The following NPIPB6 variants were observed in gnomAD, a reference collection of about 807,000 sequenced individuals.
NPIPB6 encodes nuclear pore complex-interacting protein family member B6.
In NPIPB6, 2 loss-of-function variants were observed where a neutral mutation model predicts 20.0. The ratio of observed to expected loss-of-function variants is 0.10; its 90% confidence interval spans 0.04 to 0.31. The LOEUF is 0.31. Ranked by LOEUF, NPIPB6 falls within the 10% of genes least tolerant of loss-of-function variation. The probability of loss-of-function intolerance (pLI) is 1.00; values close to 1 mark genes in which losing one functional copy is unlikely to be tolerated. For missense variants in NPIPB6, 96 were observed against 293.7 expected (o/e 0.33, Z 4.92); for synonymous variants, 35 against 116.3 (o/e 0.30, Z 4.50).
intron 1 of NPIPB6, among the ~76,000 whole-genome samples, chr16:28,360,598 T>G (rs1331649287): frequency 7.2e-6 from 1 of 139,634 alleles, no homozygotes; most frequent in Non-Finnish European, 1.7e-5. Context: ...CAGTCTCCCA[T>G]GCAGGCTGAC....
At chr16:28,350,530 A>G in intron 2 of NPIPB6, among the ~76,000 whole-genome samples, 1 of 107,120 alleles carries the variant, frequency 9.3e-6, no homozygotes, top group Non-Finnish European at 2.0e-5. Context: ...CAAGATTTCC[A>G]TATTATCACA....
At chr16:28,361,831 C>T (rs1294038750) in intron 1 of NPIPB6, among the ~76,000 whole-genome samples, 5 of 147,338 alleles carry the variant, frequency 3.4e-5, no homozygotes, top group African/African-American at 7.5e-5. Flanking sequence ...TTGAGATTAT[C>T]ATTTTAAAAG....
intron 1 of NPIPB6, among the ~76,000 whole-genome samples, chr16:28,361,730 ATGTGTGTGTGTGTG>A (rs750956017): frequency 2.0e-5 from 2 of 100,832 alleles, no homozygotes; most frequent in African/African-American, 7.8e-5. Flanking sequence ...CTCTCTCTAT[ATGTGTGTGTGTGTG>A]TGTGTGTGTG....
chr16:28,361,870 TTTAA>T (rs2045447256), intron 1 of NPIPB6, among the ~76,000 whole-genome samples: 1 of 150,686 alleles, frequency 6.6e-6, no homozygotes, highest in African/African-American at 2.4e-5. Flanking sequence ...TAATGACTAA[TTTAA>T]TTATTACTAT....
rs1329640808 is a variant in NPIPB6, at chr16:28,355,870, C to T, written c.121-2809G>A. On this transcript the variant is annotated intron_variant, in intron 1 of 6. Coordinates refer to ENST00000532254, the Ensembl canonical transcript of NPIPB6. Reference sequence around the variant, plus strand: ...TACACTTAAGGGTATATATTTTGGCCAGGCGCGGTGGCTCACGCCTGTAAT... The same window carrying T: ...TACACTTAAGGGTATATATTTTGGCTAGGCGCGGTGGCTCACGCCTGTAAT... 3.0e-4 allele frequency among the ~76,000 whole-genome samples: 36 copies of T among 120,572 alleles called. 7 individuals carry two copies. Among genetic ancestry groups the T allele is most frequent in the African/African-American group, 1.0e-3 (36 of 34,784 alleles). 79.1% of individuals were successfully genotyped at this position (120,572 alleles called of 152,430 possible).
chr16:28,343,118 G>C (rs2045033965), exon 7 of NPIPB6: 1 of 1,452,832 alleles, frequency 6.9e-7, no homozygotes. Flanking sequence ...GTTTTTTAAA[G>C]TTTCAGCTGT....
At chr16:28,348,314 T>C (rs1451328545) in intron 4 of NPIPB6, among the ~76,000 whole-genome samples, 1 of 106,064 alleles carries the variant, frequency 9.4e-6, no homozygotes, top group African/African-American at 3.2e-5. Flanking sequence ...GTGTGGTGGC[T>C]CACACCTCTA....
intron 4 of NPIPB6, among the ~76,000 whole-genome samples, chr16:28,348,064 C>T (rs1289995197): frequency 8.8e-6 from 1 of 113,476 alleles, no homozygotes; most frequent in Non-Finnish European, 2.0e-5. Context: ...GAGCCAAGAT[C>T]ATGCCACTGC....
chr16:28,348,106 T>A (rs1188414296), intron 4 of NPIPB6, among the ~76,000 whole-genome samples: 3 of 101,636 alleles, frequency 3.0e-5, no homozygotes, highest in Non-Finnish European at 6.4e-5. Context: ...TGAGACTCTG[T>A]CTCAAAAAAA....
chr16:28,359,166 A>C (rs1351688775), intron 1 of NPIPB6, among the ~76,000 whole-genome samples: 1 of 137,646 alleles, frequency 7.3e-6, no homozygotes, highest in Non-Finnish European at 1.5e-5. Context: ...TGGGGGTTGA[A>C]GTCAGATTAG....
At chr16:28,349,445 G>A (rs1416068404) in intron 2 of NPIPB6, among the ~76,000 whole-genome samples, 3 of 87,992 alleles carry the variant, frequency 3.4e-5, no homozygotes, top group East Asian at 3.1e-4. Flanking sequence ...CAAGCTACTC[G>A]GGAGGCTGAG....
intron 2 of NPIPB6, among the ~76,000 whole-genome samples, chr16:28,350,211 A>G (rs2141617487): frequency 9.1e-6 from 1 of 109,986 alleles, no homozygotes; most frequent in East Asian, 2.6e-4. Flanking sequence ...AAAAAAAAAA[A>G]AAATGACATG....
In NPIPB6 at chr16:28,346,308, T is replaced by C; in HGVS notation, c.600-1555A>G. ...CAGAGGATTGCTCCTCATCTGACTC[T>C]TCCTGTGTGAGACCTGATTCTCAGT... is the stretch of plus-strand genomic sequence containing the variant. On this transcript the variant is annotated intron_variant, in intron 4 of 6. Transcript: ENST00000532254. 2 of 810,530 alleles carry C rather than the reference T, an allele frequency of 2.5e-6. 1 individual carries two copies. Among genetic ancestry groups the C allele is most frequent in the Non-Finnish European group, 2.9e-6 (2 of 682,624 alleles). 50.2% of individuals were successfully genotyped at this position (810,530 alleles called of 1,614,324 possible).
rs1361998380 is a variant in NPIPB6 at position 28,348,252 on chromosome 16, C to T, written c.599+582G>A. The stretch of plus-strand genomic sequence containing the variant: ...TTGCACCATAGCACTCCAGCCAGGG[C>T]GACAGAGCGAGATTCTATCTCAAAA... On this transcript the variant is annotated intron_variant, in intron 4 of 6. Coordinates refer to ENST00000532254, the Ensembl canonical transcript of NPIPB6. Among the ~76,000 whole-genome samples the T allele has an allele frequency of 2.3e-4, 25 of 108,936 alleles. 6 individuals carry two copies. Among genetic ancestry groups the T allele is most frequent in the South Asian group, 8.1e-4 (3 of 3,684 alleles). 71.5% of individuals were successfully genotyped at this position (108,936 alleles called of 152,430 possible).
intron 4 of NPIPB6, chr16:28,346,000 C>T (rs1468734916): frequency 5.5e-6 from 1 of 182,562 alleles, no homozygotes; most frequent in South Asian, 1.8e-4. Flanking sequence ...ACAAATGAAC[C>T]AACTGATTCT....
intron 1 of NPIPB6, among the ~76,000 whole-genome samples, chr16:28,361,712 CTCTG>C (rs1197359168): frequency 4.9e-5 from 7 of 144,260 alleles, no homozygotes; most frequent in South Asian, 4.4e-4. Context: ...CAGAGTGAAA[CTCTG>C]TCTCTCTCTC....
Position 28,349,817 on chromosome 16 carries a change from G to A in NPIPB6, c.304-576C>T, listed in dbSNP as rs865891376. ...GCAGGAGAATCACTTGAACCCAGCA[G>A]GAAAAGGTTGTGGTGAGCTGAGATT... On this transcript the variant is annotated intron_variant, in intron 2 of 6. Transcript: ENST00000532254. Among the ~76,000 whole-genome samples, 14 of 96,456 alleles carry A rather than the reference G, an allele frequency of 1.5e-4. 2 individuals carry two copies. Among genetic ancestry groups the A allele is most frequent in the African/African-American group, 1.8e-4 (5 of 28,508 alleles). 63.3% of individuals were successfully genotyped at this position (96,456 alleles called of 152,430 possible).
chr16:28,362,166 C>T (rs199588282), intron 1 of NPIPB6, among the ~76,000 whole-genome samples: 5,438 of 137,182 alleles, frequency 0.04, 31 homozygotes, highest in East Asian at 0.16. Flanking sequence ...GGCATGATCT[C>T]GGCCCACTAA....
rs1460906189 is a variant in NPIPB6 at position 28,348,392 on chromosome 16, C to A, written c.599+442G>T. 1.4e-4 allele frequency among the ~76,000 whole-genome samples: 14 copies of A among 101,004 alleles called. 2 individuals are homozygous for A. The highest frequency in any genetic ancestry group is 3.0e-4 in the Non-Finnish European group (14 of 46,006). The allele number at this position is 101,004 out of a possible 152,430, so 66.3% of individuals were successfully genotyped here. A position where few individuals can be genotyped will look rare whatever the true frequency, so the allele number is the denominator to read the frequency against. ...GTCAGAAGTTCGAGACCAGCCTGGA[C>A]AACATGGTGAAACCCCATCTCTAGT... is the stretch of plus-strand genomic sequence containing the variant. On this transcript the variant is annotated intron_variant, in intron 4 of 6. Transcript: ENST00000532254.
Sources: gnomAD v4.1 joint callset for allele counts (sites outside exome capture counted in the v4.1 genomes callset) on GRCh38, gnomAD v4.1.1 for gene constraint, MANE v1.5 for transcripts, NCBI Gene and HGNC (gene_info 2026-07-23, HGNC 2026-07-21) for gene names.